Variants in CPEB2 observed in about 807,000 individuals in gnomAD.
CPEB2 encodes the protein cytoplasmic polyadenylation element-binding protein 2.
CPEB2 carries 56 observed loss-of-function variants against 93.6 expected under a neutral mutation model. The observed-to-expected ratio is 0.60, with a 90% CI of 0.48 to 0.75. CPEB2 has a LOEUF of 0.75. Among genes scored for constraint, CPEB2 ranks in the 30% least tolerant of loss-of-function variants. The pLI is 0.00. For missense variants in CPEB2, 1,579 were observed against 1,395.1 expected (o/e 1.13, Z -2.10); for synonymous variants, 764 against 586.3 (o/e 1.30, Z -4.38).
chr4:15,005,547 A>G (rs1376637486), intron 1 of CPEB2, among the ~76,000 whole-genome samples: 1 of 152,226 alleles, frequency 6.6e-6, no homozygotes, highest in Non-Finnish European at 1.5e-5. Flanking sequence ...CATTTGTTGC[A>G]GAGTTCATTC....
chr4:15,032,896 C>T (rs946669283), intron 4 of CPEB2, among the ~76,000 whole-genome samples: 6 of 152,018 alleles, frequency 3.9e-5, no homozygotes, highest in Non-Finnish European at 8.8e-5. Context: ...AATAAATAAG[C>T]TTTATTCTAT....
Position 15,052,509 on chromosome 4 carries a change from C to T in CPEB2, c.2296C>T (p.His766Tyr). 1 of 1,597,560 alleles carries T rather than the reference C, an allele frequency of 6.3e-7. No individual in the cohort carries two copies. The highest frequency in any genetic ancestry group is 8.6e-7 in the Non-Finnish European group (1 of 1,169,546). Residue 766 changes from histidine (H) to tyrosine (Y), a missense_variant, in exon 7 of 12, where the codon CAC becomes TAC. By Grantham distance (83) the His-to-Tyr change is moderately conservative. This residue lies in a region of CPEB2 where 1,411 missense variants were observed against 1,056.0 expected (regional missense o/e 1.34). Transcript: ENST00000538197. ...VLNSPTCYSA[H>Y]QNGERIERFS... is the part of the protein sequence containing the mutation. ...AAATTCACCCACCTGTTATTCAGCTCACCAAAATGGAGAGCGAATAGAACG... is the reference window on the plus strand; with the variant it reads ...AAATTCACCCACCTGTTATTCAGCTTACCAAAATGGAGAGCGAATAGAACG...
chr4:15,003,862 C>T lies in CPEB2; in HGVS notation c.1189C>T (p.Pro397Ser), dbSNP rs1722379359. The change falls in exon 1 of 12, where the codon CCG becomes TCG. Residue 397 changes from proline (P) to serine (S), a missense_variant. Transcript: ENST00000538197. Reference protein sequence around the residue: ...TASPPPQPQQPPPTQPQQQPP... With the variant: ...TASPPPQPQQSPPTQPQQQPP... ...GTCGCCGCCACCCCAGCCCCAGCAG[C>T]CGCCGCCGACCCAGCCGCAGCAGCA... The T allele has an allele frequency of 2.4e-6, 2 of 844,912 alleles. No individual in the cohort carries two copies. Among genetic ancestry groups the T allele is most frequent in the Non-Finnish European group, 3.1e-6 (2 of 640,662 alleles). 52.3% of individuals were successfully genotyped at this position (844,912 alleles called of 1,614,324 possible). A position where few individuals can be genotyped will look rare whatever the true frequency, so the allele number is the denominator to read the frequency against.
At chr4:15,059,333 A>G in intron 10 of CPEB2, 32 bp downstream of exon 10, 3 of 1,299,614 alleles carry the variant, frequency 2.3e-6, no homozygotes, top group Non-Finnish European at 3.3e-6. Flanking sequence ...TTGTTTAAAA[A>G]AATCATTTAA....
intron 6 of CPEB2, among the ~76,000 whole-genome samples, chr4:15,051,222 T>C (rs1728191384): frequency 6.6e-6 from 1 of 152,192 alleles, no homozygotes; most frequent in African/African-American, 2.4e-5. Flanking sequence ...GTCTCCCTAA[T>C]GCATAGAAAA....
rs1332474946 is a variant in CPEB2 at position 15,069,219 on chromosome 4, G to T, written c.*2839G>T. The T allele has an allele frequency of 6.6e-6, 1 of 151,978 alleles. No homozygotes were observed. The highest frequency in any genetic ancestry group is 6.6e-5 in the Admixed American group (1 of 15,168). The allele number at this position is 151,978 out of a possible 1,614,324, so 9.4% of individuals were successfully genotyped here. A position where few individuals can be genotyped will look rare whatever the true frequency, so the allele number is the denominator to read the frequency against. ...GGAAAACACTTGATATTTTATCCCTGTTGCATCTGGCTGCACAGAGCCTCT... is the reference window on the plus strand; with the variant it reads ...GGAAAACACTTGATATTTTATCCCTTTTGCATCTGGCTGCACAGAGCCTCT... On this transcript the variant is annotated 3_prime_UTR_variant, in exon 12 of 12. Coordinates refer to ENST00000538197, the MANE Select transcript of CPEB2 (RefSeq NM_001177382.2).
chr4:15,011,133 C>T (rs1271938823), intron 3 of CPEB2, among the ~76,000 whole-genome samples: 1 of 135,672 alleles, frequency 7.4e-6, no homozygotes, highest in Admixed American at 7.7e-5. Flanking sequence ...GACAGTTTCA[C>T]TCTGTCACTC....
chr4:15,018,936 TTATA>T (rs56945294), intron 4 of CPEB2, among the ~76,000 whole-genome samples: 6,685 of 133,010 alleles, frequency 0.05, 514 homozygotes, highest in African/African-American at 0.16. Flanking sequence ...AAGGGGAATT[TTATA>T]TATATATATA....
At chr4:15,004,791 C>T (rs1216531922) in intron 1 of CPEB2, among the ~76,000 whole-genome samples, 4 of 151,984 alleles carry the variant, frequency 2.6e-5, no homozygotes, top group East Asian at 1.9e-4. Context: ...CGGCGAGGAC[C>T]GGGGGCTGGC....
rs150346715 is a variant in CPEB2 at position 15,058,863 on chromosome 4, C to T, written c.2580+324C>T. ...CGAACCCTATTGTGAACTGCACGTG[C>T]GAGTGATCTAGGTTGCATGTTCTTT... On this transcript the variant is annotated intron_variant, in intron 9 of 11. Coordinates refer to ENST00000538197, the MANE Select transcript of CPEB2 (RefSeq NM_001177382.2). Among the ~76,000 whole-genome samples, 1,331 of 152,186 alleles carry T rather than the reference C, an allele frequency of 8.7e-3. 15 individuals carry two copies. Among genetic ancestry groups the T allele is most frequent in the African/African-American group, 0.031 (1,278 of 41,508 alleles).
chr4:15,019,662 T>A (rs1289957447), intron 4 of CPEB2, among the ~76,000 whole-genome samples: 1 of 152,160 alleles, frequency 6.6e-6, no homozygotes, highest in African/African-American at 2.4e-5. Context: ...TTATCCTTTT[T>A]AAATGCTGTT....
chr4:15,058,589 A>T (rs1347848059), intron 9 of CPEB2, 50 bp downstream of exon 9: 2 of 1,025,740 alleles, frequency 1.9e-6, no homozygotes, highest in East Asian at 2.4e-5. Context: ...ATTTTTCAAA[A>T]ATTGTTTTGA....
intron 2 of CPEB2, 44 bp from the exon 3 acceptor site, chr4:15,008,293 GA>G: frequency 1.5e-6 from 2 of 1,375,704 alleles, no homozygotes; most frequent in Non-Finnish European, 2.1e-6. Flanking sequence ...TGGGTATGGG[GA>G]AGACAACTGC....
At chr4:15,035,120 G>A (rs756689449) in intron 5 of CPEB2, among the ~76,000 whole-genome samples, 2 of 152,134 alleles carry the variant, frequency 1.3e-5, no homozygotes, top group African/African-American at 2.4e-5. Flanking sequence ...ATTTGGTTAA[G>A]TAAGTTGAAT....
intron 4 of CPEB2, among the ~76,000 whole-genome samples, chr4:15,021,009 C>T (rs1025865762): frequency 1.3e-5 from 2 of 152,066 alleles, no homozygotes; most frequent in Admixed American, 6.6e-5. Flanking sequence ...CCAGCATGTG[C>T]AAAAGCATGG....
chr4:15,063,702 G>A (rs1193429967), intron 11 of CPEB2: 4 of 152,062 alleles, frequency 2.6e-5, no homozygotes, highest in African/African-American at 9.7e-5. Flanking sequence ...CTGTTACAGT[G>A]TCATACCTCA....
chr4:15,063,596 GT>G (rs1729412179), intron 11 of CPEB2: 1 of 152,068 alleles, frequency 6.6e-6, no homozygotes, highest in African/African-American at 2.4e-5. Flanking sequence ...TACAGCAGTG[GT>G]TTAGACCGCT....
chr4:15,040,446 T>A lies in CPEB2; in HGVS notation c.2177-18T>A. The A allele has an allele frequency of 6.5e-7, 1 of 1,535,658 alleles. No homozygotes were observed. The highest frequency in any genetic ancestry group is 8.7e-7 in the Non-Finnish European group (1 of 1,146,382). ...TTTAGTTCTGACATTTTACAATTTG[T>A]GCTTTGTTTACATGCAGCAAGGAGT... On this transcript the variant is annotated intron_variant, in intron 5 of 11. Transcript: ENST00000538197.
At chr4:15,058,262 C>T (rs1353033941) in intron 8 of CPEB2, among the ~76,000 whole-genome samples, 159 bp from the exon 9 acceptor site, 1 of 151,652 alleles carries the variant, frequency 6.6e-6, no homozygotes, top group East Asian at 1.9e-4. Flanking sequence ...ATGTGTATTA[C>T]ATAAGATATT....
Sources: allele counts gnomAD v4.1 joint callset (sites outside exome capture counted in the v4.1 genomes callset), GRCh38; gene constraint gnomAD v4.1.1; regional missense constraint gnomAD v4.1.1; transcripts MANE v1.5; gene names NCBI Gene and HGNC (gene_info 2026-07-23, HGNC 2026-07-21).